The following PPFIA2 variants were observed in gnomAD, a reference collection of about 807,000 sequenced individuals.
The protein encoded by PPFIA2 is PPFI scaffold protein A2, also known as liprin-alpha-2.
A neutral mutation model predicts 175.5 loss-of-function variants in PPFIA2; 46 were observed. That is an observed-to-expected ratio of 0.26 (90% confidence interval 0.21 to 0.34). The LOEUF (loss-of-function observed/expected upper bound fraction) is 0.34, where lower values mean the gene tolerates loss of function less well. PPFIA2 is among the 10% of genes least tolerant of loss of function. The pLI, the probability that PPFIA2 is intolerant of heterozygous loss-of-function variation, is 1.00. For missense variants in PPFIA2, 1,179 were observed against 1,506.1 expected, an observed-to-expected ratio of 0.78 and a Z score of 3.60; for synonymous variants, 568 against 511.4, an observed-to-expected ratio of 1.11 and a Z score of -1.49.
intron 22 of PPFIA2, among the ~76,000 whole-genome samples, chr12:81,305,314 C>A (rs2048883425): frequency 2.0e-5 from 3 of 152,124 alleles, no homozygotes; most frequent in Non-Finnish European, 2.9e-5. Flanking sequence ...CAAAGCAATT[C>A]ATTGTGTGTG....
intron 4 of PPFIA2, among the ~76,000 whole-genome samples, chr12:81,558,436 A>C (rs2069276289): frequency 6.6e-6 from 1 of 152,204 alleles, no homozygotes; most frequent in Admixed American, 6.5e-5. Flanking sequence ...CTTGCTGACA[A>C]TAATTAGAAA....
intron 22 of PPFIA2, among the ~76,000 whole-genome samples, chr12:81,315,513 G>A (rs1415189333): frequency 6.6e-6 from 1 of 151,600 alleles, no homozygotes; most frequent in African/African-American, 2.4e-5. Context: ...GATGATAGAA[G>A]AAAAAGTTCA....
chr12:81,614,737 C>T (rs1258464838), intron 4 of PPFIA2, among the ~76,000 whole-genome samples: 2 of 152,130 alleles, frequency 1.3e-5, no homozygotes, highest in African/African-American at 4.8e-5. Flanking sequence ...AACAATGACC[C>T]CATAGTTACC....
At chr12:81,494,817 C>A (rs1470842718) in intron 4 of PPFIA2, among the ~76,000 whole-genome samples, 2 of 151,224 alleles carry the variant, frequency 1.3e-5, no homozygotes, top group Non-Finnish European at 2.9e-5. Flanking sequence ...AATTGGAAAT[C>A]ATCATTCTCA....
intron 3 of PPFIA2, among the ~76,000 whole-genome samples, chr12:81,682,225 T>A (rs946054038): frequency 6.6e-5 from 10 of 151,946 alleles, no homozygotes; most frequent in Non-Finnish European, 1.3e-4. Flanking sequence ...GCGGAAGAGA[T>A]AGCAGGGATG....
intron 8 of PPFIA2, among the ~76,000 whole-genome samples, chr12:81,401,520 T>C (rs1481350727): frequency 6.6e-6 from 1 of 152,206 alleles, no homozygotes; most frequent in African/African-American, 2.4e-5. Flanking sequence ...AACTCTAATA[T>C]TATTTTTGAT....
chr12:81,435,260 T>C (rs1403776857), intron 7 of PPFIA2, among the ~76,000 whole-genome samples: 1 of 152,202 alleles, frequency 6.6e-6, no homozygotes, highest in Non-Finnish European at 1.5e-5. Context: ...TAGCAAACCC[T>C]GAGCTATATT....
At chr12:81,754,544 C>A (rs376592068) in intron 2 of PPFIA2, among the ~76,000 whole-genome samples, 1 of 152,156 alleles carries the variant, frequency 6.6e-6, no homozygotes, top group Non-Finnish European at 1.5e-5. Flanking sequence ...CATGTGATTT[C>A]TATTATTATT....
At chr12:81,441,633 A>C (rs1428168863) in intron 6 of PPFIA2, among the ~76,000 whole-genome samples, 1 of 152,150 alleles carries the variant, frequency 6.6e-6, no homozygotes, top group Admixed American at 6.5e-5. Context: ...CTTTTTTATG[A>C]ATTTTGAATA....
Position 81,259,583 on chromosome 12 carries a change from A to C in PPFIA2, c.*111T>G, listed in dbSNP as rs759257542. On this transcript the variant is annotated 3_prime_UTR_variant, in exon 33 of 33. Coordinates refer to ENST00000549396, the MANE Select transcript of PPFIA2 (RefSeq NM_003625.5). ...TGACGTCATTATTTCCTTAGAATTC[A>C]GTTTTCACAAAGGTTTTCACTGCTC... The C allele has an allele frequency of 6.7e-6, 10 of 1,492,218 alleles. No individual in the cohort carries two copies. The highest frequency in any genetic ancestry group is 9.0e-6 in the Non-Finnish European group (10 of 1,108,902). The allele number at this position is 1,492,218 out of a possible 1,614,324, so 92.4% of individuals were successfully genotyped here. A position where few individuals can be genotyped will look rare whatever the true frequency, so the allele number is the denominator to read the frequency against.
At chr12:81,504,539 G>C (rs1420392927) in intron 4 of PPFIA2, among the ~76,000 whole-genome samples, 1 of 152,206 alleles carries the variant, frequency 6.6e-6, no homozygotes, top group Non-Finnish European at 1.5e-5. Flanking sequence ...CTTTTACACT[G>C]TTGGTGGGAG....
chr12:81,602,400 T>G (rs1338941323), intron 4 of PPFIA2, among the ~76,000 whole-genome samples: 1 of 151,852 alleles, frequency 6.6e-6, no homozygotes, highest in Non-Finnish European at 1.5e-5. Flanking sequence ...GATTTATTGT[T>G]GAGAAACTCT....
chr12:81,735,249 A>C (rs1453221226), intron 3 of PPFIA2, among the ~76,000 whole-genome samples: 1 of 151,794 alleles, frequency 6.6e-6, no homozygotes, highest in Non-Finnish European at 1.5e-5. Context: ...GAAAGTTCTT[A>C]ATTCACCACA....
At chr12:81,334,329 C>T (rs927714508) in intron 21 of PPFIA2, among the ~76,000 whole-genome samples, 2 of 152,092 alleles carry the variant, frequency 1.3e-5, no homozygotes, top group Admixed American at 6.5e-5. Flanking sequence ...ACTATCTTTG[C>T]TAAAGTGAAA....
chr12:81,348,954 T>C (rs183336818), intron 17 of PPFIA2, among the ~76,000 whole-genome samples: 1 of 152,326 alleles, frequency 6.6e-6, no homozygotes, highest in Non-Finnish European at 1.5e-5. Flanking sequence ...ATATAGAACC[T>C]GTACCTTCAA....
rs182889015 is a variant in PPFIA2, at chr12:81,282,680, C to T, written c.3018+330G>A. On this transcript the variant is annotated intron_variant, in intron 26 of 32. Transcript: ENST00000549396. ...AAGTCTTTTCTTTCTTTTTGTTCCC[C>T]CTTTAGATCCAACTTGAATGCTTCC... is the stretch of plus-strand genomic sequence containing the variant. 464 of 178,718 alleles carry T rather than the reference C, an allele frequency of 2.6e-3. 1 individual carries two copies. The highest frequency in any genetic ancestry group is 0.01 in the African/African-American group (436 of 42,504). The allele number at this position is 178,718 out of a possible 1,614,324, so 11.1% of individuals were successfully genotyped here.
rs570058224 is a variant in PPFIA2 at position 81,704,008 on chromosome 12, T to C, written c.250-27164A>G. ...TTAAGATAAAATTATTTTATACCTA[T>C]TTGTTGTTTACCTGTTTGTTGTTTG... is the stretch of plus-strand genomic sequence containing the variant. On this transcript the variant is annotated intron_variant, in intron 3 of 32. Coordinates refer to ENST00000549396, the MANE Select transcript of PPFIA2 (RefSeq NM_003625.5). Among the ~76,000 whole-genome samples, 8 of 152,176 alleles carry C rather than the reference T, an allele frequency of 5.3e-5. No individual in the cohort carries two copies. In the South Asian group the frequency reaches 1.7e-3, roughly 31 times the overall value.
At chr12:81,718,855 G>T (rs1417872549) in intron 3 of PPFIA2, among the ~76,000 whole-genome samples, 1 of 151,562 alleles carries the variant, frequency 6.6e-6, no homozygotes, top group African/African-American at 2.4e-5. Context: ...TCTGACGTTG[G>T]CTTGGCATTT....
intron 4 of PPFIA2, among the ~76,000 whole-genome samples, chr12:81,524,554 ATTTGT>A (rs909401908): frequency 6.6e-6 from 1 of 152,110 alleles, no homozygotes; most frequent in African/African-American, 2.4e-5. Flanking sequence ...GAAGCACATA[ATTTGT>A]TTTATTTCAC....
Sources: gnomAD v4.1 joint callset for allele counts (sites outside exome capture counted in the v4.1 genomes callset) on GRCh38, gnomAD v4.1.1 for gene constraint, MANE v1.5 for transcripts, NCBI Gene and HGNC (gene_info 2026-07-23, HGNC 2026-07-21) for gene names.